The following MKLN1 variants were observed in gnomAD, a reference collection of about 807,000 sequenced individuals.
MKLN1 encodes the protein muskelin 1.
A neutral mutation model predicts 99.0 loss-of-function variants in MKLN1; 18 were observed. The observed-to-expected ratio is 0.18, with a 90% CI of 0.13 to 0.27. The LOEUF (loss-of-function observed/expected upper bound fraction) is 0.27. Among genes scored for constraint, MKLN1 ranks in the 10% least tolerant of loss-of-function variants. The pLI is 1.00. For synonymous variants in MKLN1, 288 were observed against 293.2 expected (o/e 0.98, Z 0.18); for missense variants, 621 against 875.9 (o/e 0.71, Z 3.67).
Position 131,496,336 on chromosome 7 carries a change from C to CA in MKLN1, c.*8610dup. On this transcript the variant is annotated 3_prime_UTR_variant, in exon 18 of 18. Transcript: ENST00000352689. ...ATGGGTATCAGATCTCTTCTGACAT[C>CA]AATTGTTTCAAATCATTGTTGGGCT... 6.6e-6 allele frequency: 1 copy of CA among 152,198 alleles called. No homozygotes were observed. The highest frequency in any genetic ancestry group is 2.1e-4 in the South Asian group (1 of 4,832). 9.4% of individuals were successfully genotyped at this position (152,198 alleles called of 1,614,324 possible).
chr7:131,153,209 A>ATGGTGTTTGCTTTGTCTTATTTT (rs1483952257), intron 2 of MKLN1, among the ~76,000 whole-genome samples: 1 of 152,018 alleles, frequency 6.6e-6, no homozygotes, highest in Non-Finnish European at 1.5e-5. Flanking sequence ...GCATGTGCCA[A>ATGGTGTTTGCTTTGTCTTATTTT]TGGTGTTTGC....
intron 2 of MKLN1, among the ~76,000 whole-genome samples, chr7:131,379,829 T>A (rs868823079): frequency 1.3e-5 from 2 of 152,232 alleles, no homozygotes; most frequent in Non-Finnish European, 2.9e-5. Flanking sequence ...TGTAAATATA[T>A]ACACCTACTG....
chr7:131,331,136 G>T (rs1380138848), intron 1 of MKLN1, among the ~76,000 whole-genome samples: 2 of 152,086 alleles, frequency 1.3e-5, no homozygotes, highest in African/African-American at 2.4e-5. Context: ...GATGCTTTTT[G>T]TATACAGTTT....
intron 3 of MKLN1, among the ~76,000 whole-genome samples, chr7:131,272,470 C>T (rs1392594805): frequency 6.6e-6 from 1 of 152,102 alleles, no homozygotes; most frequent in East Asian, 1.9e-4. Flanking sequence ...AGGAGGTTGG[C>T]TGGATTGAGA....
chr7:131,408,315 C>T (rs1015314227), intron 6 of MKLN1, among the ~76,000 whole-genome samples: 28 of 152,052 alleles, frequency 1.8e-4, no homozygotes, highest in African/African-American at 6.8e-4. Flanking sequence ...CTGATGAAAT[C>T]AGCTTCTTAA....
intron 3 of MKLN1, among the ~76,000 whole-genome samples, chr7:131,228,211 G>C: frequency 6.6e-6 from 1 of 152,230 alleles, no homozygotes; most frequent in African/African-American, 2.4e-5. Context: ...CTACAGGTGT[G>C]CACCACCATA....
intron 3 of MKLN1, among the ~76,000 whole-genome samples, chr7:131,213,502 T>C (rs982688159): frequency 1.3e-5 from 2 of 152,224 alleles, no homozygotes; most frequent in Non-Finnish European, 2.9e-5. Context: ...CCTTGTATTA[T>C]TGACATTTTG....
chr7:131,359,868 G>A (rs1230217610), intron 1 of MKLN1, among the ~76,000 whole-genome samples: 2 of 151,892 alleles, frequency 1.3e-5, no homozygotes, highest in Middle Eastern at 3.2e-3. Flanking sequence ...TGAGTAGCTG[G>A]GATTACAGGC....
intron 3 of MKLN1, among the ~76,000 whole-genome samples, chr7:131,277,333 G>T (rs967327701): frequency 1.3e-5 from 2 of 151,718 alleles, no homozygotes; most frequent in Non-Finnish European, 2.9e-5. Flanking sequence ...GCCCAGGCTG[G>T]AGTTCAATGG....
At chr7:131,273,461 A>G (rs1797916992) in intron 3 of MKLN1, among the ~76,000 whole-genome samples, 1 of 152,122 alleles carries the variant, frequency 6.6e-6, no homozygotes, top group Non-Finnish European at 1.5e-5. Flanking sequence ...AGAAAGTAGC[A>G]GTGGTTTGAG....
At chr7:131,115,385 C>T (rs1795258780) in intron 1 of MKLN1, among the ~76,000 whole-genome samples, 2 of 152,228 alleles carry the variant, frequency 1.3e-5, no homozygotes, top group African/African-American at 4.8e-5. Context: ...CAAAATGTCT[C>T]TTTCGGTCTC....
At position 131,496,614 on chromosome 7, in the gene MKLN1, A is replaced by C. The variant is rs1013903218; in HGVS notation, c.*8886A>C. ...GTATTTTGTTCATTTTCTTAATAAA[A>C]TGTTATATATGGATGCTACAAGATA... On this transcript the variant is annotated 3_prime_UTR_variant, in exon 18 of 18. Transcript: ENST00000352689. 2 of 151,378 alleles carry C rather than the reference A, an allele frequency of 1.3e-5. No individual in the cohort carries two copies. Among genetic ancestry groups the C allele is most frequent in the South Asian group, 4.1e-4 (2 of 4,836 alleles). 9.4% of individuals were successfully genotyped at this position (151,378 alleles called of 1,614,324 possible).
chr7:131,266,920 C>T (rs1337802367), intron 3 of MKLN1, among the ~76,000 whole-genome samples: 1 of 151,930 alleles, frequency 6.6e-6, no homozygotes, highest in East Asian at 1.9e-4. Context: ...TGGAAGATCA[C>T]ACAAGCTTAG....
At chr7:131,314,915 G>A (rs567395882) in intron 3 of MKLN1, among the ~76,000 whole-genome samples, 1 of 152,088 alleles carries the variant, frequency 6.6e-6, no homozygotes, top group South Asian at 2.1e-4. Context: ...GGGACTACAG[G>A]CACACACCAC....
At chr7:131,463,145 AG>A in intron 12 of MKLN1, 71 bp from the exon 13 acceptor site, 1 of 1,264,874 alleles carries the variant, frequency 7.9e-7, no homozygotes, top group Admixed American at 2.2e-5. Flanking sequence ...AAGAAAAGAA[AG>A]GAAGGAAGGA....
intron 1 of MKLN1, among the ~76,000 whole-genome samples, chr7:131,366,731 G>A (rs928364404): frequency 6.6e-6 from 1 of 152,180 alleles, no homozygotes; most frequent in African/African-American, 2.4e-5. Flanking sequence ...AGAATTGCAT[G>A]AACCTGGGAG....
chr7:131,142,699 C>T (rs868807178), intron 1 of MKLN1: 2 of 309,072 alleles, frequency 6.5e-6, no homozygotes, highest in Middle Eastern at 4.7e-4. Flanking sequence ...CGCCCCACTG[C>T]ACTCCAGCCT....
chr7:131,133,042 C>A (rs548194568), intron 1 of MKLN1, among the ~76,000 whole-genome samples: 26 of 151,304 alleles, frequency 1.7e-4, no homozygotes, highest in African/African-American at 5.8e-4. Context: ...AAGCCCGATG[C>A]TTTAGACATC....
At chr7:131,178,477 TA>T (rs1210510934) in intron 2 of MKLN1, among the ~76,000 whole-genome samples, 8 of 150,956 alleles carry the variant, frequency 5.3e-5, no homozygotes, top group East Asian at 3.9e-4. Flanking sequence ...AAAATTAACT[TA>T]AAAAAAAATC....
Sources: gnomAD v4.1 joint callset for allele counts (sites outside exome capture counted in the v4.1 genomes callset) on GRCh38, gnomAD v4.1.1 for gene constraint, MANE v1.5 for transcripts, NCBI Gene and HGNC (gene_info 2026-07-23, HGNC 2026-07-21) for gene names.